The following SMURF2 variants were observed in gnomAD, a reference collection of about 807,000 sequenced individuals.
SMURF2 encodes SMAD specific E3 ubiquitin protein ligase 2, also known as E3 ubiquitin-protein ligase SMURF2.
Under a neutral mutation model 109.6 loss-of-function variants are expected in SMURF2, and 48 were observed. The ratio of observed to expected loss-of-function variants is 0.44; its 90% CI spans 0.35 to 0.56. The LOEUF (loss-of-function observed/expected upper bound fraction) is 0.56. SMURF2 is among the 20% of genes least tolerant of loss of function. The pLI, the probability that SMURF2 is intolerant of heterozygous loss-of-function variation, is 0.01. For missense variants in SMURF2, 575 were observed against 909.0 expected, an observed-to-expected ratio of 0.63 and a Z score of 4.72; for synonymous variants, 288 against 317.1, an observed-to-expected ratio of 0.91 and a Z score of 0.97.
intron 2 of SMURF2, among the ~76,000 whole-genome samples, chr17:64,600,331 G>A (rs1277930892): frequency 5.3e-5 from 8 of 152,238 alleles, no homozygotes; most frequent in African/African-American, 1.9e-4. Context: ...AATTTAAAAG[G>A]TGGAACTAAA....
chr17:64,618,656 T>C (rs1555690317), intron 1 of SMURF2, among the ~76,000 whole-genome samples: 1 of 152,198 alleles, frequency 6.6e-6, no homozygotes, highest in East Asian at 1.9e-4. Context: ...GAATATTGTA[T>C]ATTTAAATTA....
At chr17:64,597,935 C>T (rs1247520756) in intron 3 of SMURF2, among the ~76,000 whole-genome samples, 2 of 152,228 alleles carry the variant, frequency 1.3e-5, no homozygotes, top group East Asian at 3.9e-4. Flanking sequence ...AGGGAACTTG[C>T]TGTTTTCCAG....
chr17:64,624,824 G>C (rs1397767279), intron 1 of SMURF2, among the ~76,000 whole-genome samples: 1 of 152,000 alleles, frequency 6.6e-6, no homozygotes, highest in Non-Finnish European at 1.5e-5. Flanking sequence ...AGACAGGGGA[G>C]GGGAGGGAAG....
chr17:64,568,516 G>A (rs1555685282), intron 10 of SMURF2, among the ~76,000 whole-genome samples: 1 of 152,164 alleles, frequency 6.6e-6, no homozygotes, highest in African/African-American at 2.4e-5. Flanking sequence ...CTTTGGGTAT[G>A]TTACATACTA....
Position 64,545,628 on chromosome 17 carries a change from T to TG in SMURF2, c.*219dup, listed in dbSNP as rs1345125236. The TG allele has an allele frequency of 2.7e-6, 1 of 374,032 alleles. No individual in the cohort carries two copies. Among genetic ancestry groups the TG allele is most frequent in the Non-Finnish European group, 4.8e-6 (1 of 208,440 alleles). 23.2% of individuals were successfully genotyped at this position (374,032 alleles called of 1,614,324 possible). A position where few individuals can be genotyped will look rare whatever the true frequency, so the allele number is the denominator to read the frequency against. On this transcript the variant is annotated 3_prime_UTR_variant, in exon 19 of 19. Coordinates refer to ENST00000262435, the MANE Select transcript of SMURF2 (RefSeq NM_022739.4). ...ATATTAAGTTTAAATAGCAGCTGAA[T>TG]GTGGCCTCATGGCAAAGCATAAAGA...
intron 15 of SMURF2, among the ~76,000 whole-genome samples, chr17:64,553,239 G>A (rs1969071363): frequency 6.6e-6 from 1 of 151,958 alleles, no homozygotes; most frequent in Admixed American, 6.6e-5. Context: ...AGGCACGGTG[G>A]CTTACACCTG....
At chr17:64,546,852 G>A (rs951077015) in intron 17 of SMURF2, among the ~76,000 whole-genome samples, 1 of 152,344 alleles carries the variant, frequency 6.6e-6, no homozygotes, top group South Asian at 2.1e-4. Flanking sequence ...AGGATGAGGA[G>A]CTCTCCTTAC....
intron 9 of SMURF2, among the ~76,000 whole-genome samples, chr17:64,575,983 T>C (rs1969484381): frequency 6.6e-6 from 1 of 151,956 alleles, no homozygotes; most frequent in African/African-American, 2.4e-5. Context: ...GGTGCACAGA[T>C]TGCTTGAGCT....
intron 5 of SMURF2, among the ~76,000 whole-genome samples, chr17:64,588,555 A>G (rs1969701052): frequency 6.6e-6 from 1 of 152,132 alleles, no homozygotes; most frequent in Non-Finnish European, 1.5e-5. Flanking sequence ...AGACATATAC[A>G]TTTTATATAC....
At chr17:64,605,737 TAAAAAG>T (rs1555688980) in intron 2 of SMURF2, among the ~76,000 whole-genome samples, 1 of 87,796 alleles carries the variant, frequency 1.1e-5, no homozygotes, top group Non-Finnish European at 2.1e-5. Flanking sequence ...ATCCTGTCTC[TAAAAAG>T]AATATATATA....
At chr17:64,632,341 A>G (rs186998003) in intron 1 of SMURF2, among the ~76,000 whole-genome samples, 189 of 152,318 alleles carry the variant, frequency 1.2e-3, no homozygotes, top group African/African-American at 4.5e-3. Context: ...AAATTTATAC[A>G]TTAGCTCAGA....
rs1598265151 is a variant in SMURF2, at chr17:64,547,090, TCCACAGAAAA to T, written c.2071+500_2071+509del. 6.6e-6 allele frequency among the ~76,000 whole-genome samples: 1 copy of T among 152,296 alleles called. No homozygotes were observed. The highest frequency in any genetic ancestry group is 1.5e-5 in the Non-Finnish European group (1 of 68,022). ...CTCCTCCCAAAATTAACCAGCTTAT[TCCACAGAAAA>T]CCATTCTTAAAAAAGGAATATGGTT... On this transcript the variant is annotated intron_variant, in intron 17 of 18. Transcript: ENST00000262435. This position sits in a 1 kb window ranked among gnomAD's most constrained non-coding sequence, Gnocchi z 4.2.
Position 64,662,054 on chromosome 17 carries a change from G to T in SMURF2, c.-174C>A. On this transcript the variant is annotated 5_prime_UTR_variant, in exon 1 of 19. Coordinates refer to ENST00000262435, the MANE Select transcript of SMURF2 (RefSeq NM_022739.4). ...TCGCCATGAGCCGCGGAGGGAGCGG[G>T]ACGCCGAGCTCCCCCCTCCTCCCAC... is the stretch of plus-strand genomic sequence containing the variant. 9.0e-7 allele frequency: 1 copy of T among 1,109,366 alleles called. No individual in the cohort carries two copies. The highest frequency in any genetic ancestry group is 1.1e-6 in the Non-Finnish European group (1 of 909,818). The allele number at this position is 1,109,366 out of a possible 1,614,324, so 68.7% of individuals were successfully genotyped here.
chr17:64,662,262 A>G lies in SMURF2; in HGVS notation c.-382T>C, dbSNP rs1389433288. On this transcript the variant is annotated 5_prime_UTR_variant, in exon 1 of 19. Coordinates refer to ENST00000262435, the MANE Select transcript of SMURF2 (RefSeq NM_022739.4). The stretch of plus-strand genomic sequence containing the variant: ...GGGCGGTGCTCGGGGGCGCCGGAGC[A>G]GAACTCTGGGCTCGGCCGCTTCCTC... 3.1e-6 allele frequency: 3 copies of G among 982,940 alleles called. No homozygotes were observed. The African/African-American group carries it at 5.3e-5, about 17-fold the overall frequency. 60.9% of individuals were successfully genotyped at this position (982,940 alleles called of 1,614,324 possible). A position where few individuals can be genotyped will look rare whatever the true frequency, so the allele number is the denominator to read the frequency against.
intron 1 of SMURF2, among the ~76,000 whole-genome samples, chr17:64,613,707 T>TGA (rs1970078522): frequency 7.5e-6 from 1 of 133,480 alleles, no homozygotes; most frequent in African/African-American, 2.9e-5. Flanking sequence ...TGTGTGTGTG[T>TGA]GTGTGTGTGT....
chr17:64,583,596 T>G (rs1555686792), intron 6 of SMURF2, 52 bp from the exon 7 acceptor site: 5 of 1,379,804 alleles, frequency 3.6e-6, no homozygotes, highest in Middle Eastern at 1.8e-4. Flanking sequence ...TTGGACACAG[T>G]GCAACAAGCA....
intron 3 of SMURF2, 63 bp from the exon 4 acceptor site, chr17:64,593,636 CTTTTGTTCT>C (rs1969779062): frequency 1.4e-6 from 2 of 1,392,606 alleles, no homozygotes; most frequent in Non-Finnish European, 1.9e-6. Context: ...TAAAATTTTT[CTTTTGTTCT>C]TTTTATATTC....
chr17:64,590,465 G>A (rs571661005), intron 5 of SMURF2, among the ~76,000 whole-genome samples: 2 of 151,958 alleles, frequency 1.3e-5, no homozygotes, highest in African/African-American at 2.4e-5. Flanking sequence ...TTTAATTTAA[G>A]AAGCCTCTAA....
intron 10 of SMURF2, among the ~76,000 whole-genome samples, chr17:64,570,690 A>T (rs1415615856): frequency 1.3e-5 from 2 of 152,158 alleles, no homozygotes; most frequent in African/African-American, 2.4e-5. Flanking sequence ...AAGTCATGTA[A>T]CCTCTATACC....
Sources: allele counts gnomAD v4.1 joint callset (sites outside exome capture counted in the v4.1 genomes callset), GRCh38; gene constraint gnomAD v4.1.1; non-coding constraint Gnocchi (gnomAD v3.1); transcripts MANE v1.5; gene names NCBI Gene and HGNC (gene_info 2026-07-23, HGNC 2026-07-21).